Variants in ADAM17 observed in about 807,000 individuals in gnomAD.
The protein encoded by ADAM17 is ADAM metallopeptidase domain 17.
A neutral mutation model predicts 96.7 loss-of-function variants in ADAM17; 39 were observed. The ratio of observed to expected loss-of-function variants is 0.40; its 90% CI spans 0.31 to 0.53. The LOEUF (loss-of-function observed/expected upper bound fraction) is 0.53, where lower values mean the gene tolerates loss of function less well. Among genes scored for constraint, ADAM17 ranks in the 20% least tolerant of loss-of-function variants. The pLI, the probability that ADAM17 is intolerant of heterozygous loss-of-function variation, is 0.44. For synonymous variants in ADAM17, 344 were observed against 359.2 expected (o/e 0.96, Z 0.48); for missense variants, 777 against 1,013.2 (o/e 0.77, Z 3.17).
intron 4 of ADAM17, 26 bp downstream of exon 4, chr2:9,535,808 G>A: frequency 6.8e-7 from 1 of 1,476,372 alleles, no homozygotes; most frequent in East Asian, 2.3e-5. Context: ...ATAAGCTACT[G>A]AAAAAAAATT....
At chr2:9,551,681 G>C (rs4464249) in intron 1 of ADAM17, among the ~76,000 whole-genome samples, 1 of 152,050 alleles carries the variant, frequency 6.6e-6, no homozygotes, top group Non-Finnish European at 1.5e-5. Flanking sequence ...GGATGGTCTC[G>C]ATCTCCTGAC....
chr2:9,532,274 A>G (rs899514200), intron 4 of ADAM17, among the ~76,000 whole-genome samples: 1 of 152,188 alleles, frequency 6.6e-6, no homozygotes, highest in African/African-American at 2.4e-5. Context: ...CATTGTAACA[A>G]GGTTCTAGGG....
intron 15 of ADAM17, 90 bp from the exon 16 acceptor site, chr2:9,493,915 G>A: frequency 4.6e-6 from 5 of 1,092,522 alleles, no homozygotes; most frequent in Non-Finnish European, 6.7e-6. Flanking sequence ...GACATGTAAA[G>A]GGCTTCATTA....
At chr2:9,540,810 ATG>A (rs1665177107) in intron 2 of ADAM17, among the ~76,000 whole-genome samples, 7 of 152,244 alleles carry the variant, frequency 4.6e-5, no homozygotes, top group Admixed American at 4.6e-4. Flanking sequence ...AAGATGCTCA[ATG>A]TCACACAAAA....
At chr2:9,521,349 T>TG in intron 7 of ADAM17, 33 bp from the exon 8 acceptor site, 1 of 1,432,552 alleles carries the variant, frequency 7.0e-7, no homozygotes, top group East Asian at 2.3e-5. Context: ...CTTAGAACAC[T>TG]TCCAAAATAA....
At chr2:9,490,570 G>GTCCTCACAGCTCCACCCT (rs1317306352) in intron 18 of ADAM17, 52 bp from the exon 19 acceptor site, 2 of 1,514,686 alleles carry the variant, frequency 1.3e-6, no homozygotes. Context: ...TGAATCGGAG[G>GTCCTCACAGCTCCACCCT]TCCTCACAGC....
chr2:9,524,138 A>G (rs1664424572), intron 6 of ADAM17, among the ~76,000 whole-genome samples: 1 of 152,042 alleles, frequency 6.6e-6, no homozygotes, highest in Non-Finnish European at 1.5e-5. Context: ...AAATGTGTTA[A>G]TCAACTTATT....
At chr2:9,520,989 A>C in intron 8 of ADAM17, among the ~76,000 whole-genome samples, 1 of 113,286 alleles carries the variant, frequency 8.8e-6, no homozygotes, top group Non-Finnish European at 2.0e-5. Context: ...AAAAAAAAGG[A>C]AGCATTGCTT....
intron 4 of ADAM17, among the ~76,000 whole-genome samples, chr2:9,529,701 T>C (rs1232173414): frequency 6.6e-6 from 1 of 152,162 alleles, no homozygotes; most frequent in African/African-American, 2.4e-5. Context: ...CCGGGCGCGA[T>C]GGCTCACGCC....
chr2:9,512,953 A>G (rs1169338432), intron 10 of ADAM17, among the ~76,000 whole-genome samples: 1 of 152,136 alleles, frequency 6.6e-6, no homozygotes, highest in Non-Finnish European at 1.5e-5. Flanking sequence ...GGACCCTTCC[A>G]GACCTCGCCC....
At chr2:9,494,297 CACACCCTGA>C (rs1392167061) in intron 15 of ADAM17, among the ~76,000 whole-genome samples, 3 of 152,188 alleles carry the variant, frequency 2.0e-5, no homozygotes, top group African/African-American at 7.2e-5. Context: ...GTTTCAAAAT[CACACCCTGA>C]ATAATTTTGC....
chr2:9,517,659 C>T (rs906581399), intron 10 of ADAM17, among the ~76,000 whole-genome samples: 7 of 152,132 alleles, frequency 4.6e-5, no homozygotes, highest in Non-Finnish European at 7.4e-5. Flanking sequence ...GGGTCCAGGA[C>T]AGAGGGTTCG....
At chr2:9,550,973 G>A (rs1665573612) in intron 1 of ADAM17, among the ~76,000 whole-genome samples, 1 of 151,592 alleles carries the variant, frequency 6.6e-6, no homozygotes, top group African/African-American at 2.4e-5. Context: ...TATTCGTGAG[G>A]CTGAGGCACG....
In ADAM17 at chr2:9,502,180, G is replaced by A. The variant is rs147475420; in HGVS notation, c.1641C>T (p.Tyr547=). 3 of 1,613,784 alleles carry A rather than the reference G, an allele frequency of 1.9e-6. No individual in the cohort carries two copies. The highest frequency in any genetic ancestry group is 3.3e-5 in the Admixed American group (2 of 59,990). The change falls in exon 13 of 19, where the codon TAC becomes TAT. Residue 547 remains tyrosine, a synonymous_variant. Coordinates refer to ENST00000310823, the MANE Select transcript of ADAM17 (RefSeq NM_003183.6). ...AGCAACAAGAACACGAACCTGTGCAGTAGGACACGCCTTTGCAAGTAGCAT... is the reference window on the plus strand; with the variant it reads ...AGCAACAAGAACACGAACCTGTGCAATAGGACACGCCTTTGCAAGTAGCAT... The part of the protein sequence containing the change: ...AINATCKGVS[Y]CTGNSSECPP...
chr2:9,552,763 A>G (rs1478518400), intron 1 of ADAM17, among the ~76,000 whole-genome samples: 2 of 152,342 alleles, frequency 1.3e-5, no homozygotes, highest in Admixed American at 1.3e-4. Context: ...GACTAAGCTC[A>G]TATGACTCAT....
Position 9,543,390 on chromosome 2 carries a change from T to C in ADAM17, c.98-105A>G, listed in dbSNP as rs1171836113. 9.9e-6 allele frequency: 10 copies of C among 1,014,928 alleles called. No homozygotes were observed. In the African/African-American group the frequency reaches 1.3e-4, roughly 14 times the overall value. 62.9% of individuals were successfully genotyped at this position (1,014,928 alleles called of 1,614,324 possible). A position where few individuals can be genotyped will look rare whatever the true frequency, so the allele number is the denominator to read the frequency against. Reference sequence around the variant, plus strand: ...ATAAATCTTTCCTGATGTAATCCATTAGGAAGTGCCAAGCACAAACTATAA... The same window carrying C: ...ATAAATCTTTCCTGATGTAATCCATCAGGAAGTGCCAAGCACAAACTATAA... On this transcript the variant is annotated intron_variant, in intron 1 of 18. Coordinates refer to ENST00000310823, the MANE Select transcript of ADAM17 (RefSeq NM_003183.6).
intron 18 of ADAM17, 27 bp from the exon 19 acceptor site, chr2:9,490,545 G>A (rs758957938): frequency 6.3e-7 from 1 of 1,589,982 alleles, no homozygotes. Flanking sequence ...TCAATTGATT[G>A]ATAGGAATAA....
At chr2:9,520,109 G>A (rs1664246605) in intron 8 of ADAM17, among the ~76,000 whole-genome samples, 1 of 152,126 alleles carries the variant, frequency 6.6e-6, no homozygotes, top group Middle Eastern at 3.2e-3. Context: ...AGCCTCATGA[G>A]ACCCTAAACA....
chr2:9,553,333 C>A (rs987896797), intron 1 of ADAM17, among the ~76,000 whole-genome samples: 5 of 151,900 alleles, frequency 3.3e-5, no homozygotes, highest in South Asian at 4.2e-4. Context: ...TTTGTATTTC[C>A]AATGCCACGT....
Sources: gnomAD v4.1 joint callset for allele counts (sites outside exome capture counted in the v4.1 genomes callset) on GRCh38, gnomAD v4.1.1 for gene constraint, MANE v1.5 for transcripts, NCBI Gene and HGNC (gene_info 2026-07-23, HGNC 2026-07-21) for gene names.